Variants in PER3 observed in about 807,000 individuals in gnomAD.
The protein encoded by PER3 is period circadian regulator 3.
In PER3, 107 loss-of-function variants were observed where a neutral mutation model predicts 127.2. That is an observed-to-expected ratio of 0.84 (90% CI 0.72 to 0.99). The LOEUF is 0.99. Ranked by LOEUF, PER3 falls within the 50% of genes least tolerant of loss-of-function variation. The pLI is 0.00. For synonymous variants in PER3, 618 were observed against 585.8 expected (o/e 1.05, Z -0.79); for missense variants, 1,560 against 1,525.8 (o/e 1.02, Z -0.37).
At chr1:7,811,745 C>G (rs1360612269) in intron 13 of PER3, 1 of 152,196 alleles carries the variant, frequency 6.6e-6, no homozygotes, top group Non-Finnish European at 1.5e-5. Context: ...TGTTCACTGT[C>G]ACATTGAGTT....
At position 7,829,889 on chromosome 1, in the gene PER3, T is replaced by C. The variant is rs772071781; in HGVS notation, c.2942T>C (p.Leu981Pro). ...AGCAGTCCTGCTACTACCGGTGCAC[T>C]GTCCACGGGGTCACCTCCCAGGGAG... is the stretch of plus-strand genomic sequence containing the variant. ...SESSPATTGA[L>P]STGSPPRENP... Residue 981 changes from leucine to proline, a missense_variant, in exon 19 of 22, where the codon CTG becomes CCG. Leu to Pro is a moderately conservative substitution (Grantham distance 98, BLOSUM62 -3). This residue lies in a region of PER3 where 29 missense variants were observed against 103.6 expected (regional missense o/e 0.28). Transcript: ENST00000377532. 2 of 1,613,902 alleles carry C rather than the reference T, an allele frequency of 1.2e-6. No individual in the cohort carries two copies. The highest frequency in any genetic ancestry group is 1.7e-6 in the Non-Finnish European group (2 of 1,179,848).
At chr1:7,792,699 C>CA (rs1255540047) in intron 5 of PER3, among the ~76,000 whole-genome samples, 2 of 152,208 alleles carry the variant, frequency 1.3e-5, no homozygotes, top group African/African-American at 4.8e-5. Flanking sequence ...CAGCTGTTGT[C>CA]AACCTCTGGT....
At chr1:7,813,669 G>A (rs1184009512) in intron 13 of PER3, among the ~76,000 whole-genome samples, 2 of 152,224 alleles carry the variant, frequency 1.3e-5, no homozygotes, top group African/African-American at 4.8e-5. Context: ...TGTTGTACAT[G>A]CTGTAGAACC....
intron 19 of PER3, among the ~76,000 whole-genome samples, chr1:7,835,133 G>C (rs1347436627): frequency 3.3e-5 from 5 of 152,284 alleles, no homozygotes; most frequent in East Asian, 3.9e-4. Context: ...AATAGTCATT[G>C]CTGGGGGTAG....
At chr1:7,813,138 G>T (rs1316291469) in intron 13 of PER3, among the ~76,000 whole-genome samples, 1 of 152,202 alleles carries the variant, frequency 6.6e-6, no homozygotes, top group South Asian at 2.1e-4. Context: ...ACAGGGATAT[G>T]TAAAGCCCCT....
intron 10 of PER3, among the ~76,000 whole-genome samples, chr1:7,805,197 C>T (rs2097187673): frequency 6.6e-6 from 1 of 152,134 alleles, no homozygotes; most frequent in Admixed American, 6.5e-5. Context: ...GAACTCTAGG[C>T]CTTTTGACCT....
Position 7,835,768 on chromosome 1 carries a change from G to A in PER3, c.3221G>A (p.Ser1074Asn). The change falls in exon 20 of 22, where the codon AGC becomes AAC. Residue 1074 changes from serine (S) to asparagine (N), a missense_variant. Coordinates refer to ENST00000377532, the MANE Select transcript of PER3 (RefSeq NM_001377275.1). ...SRTGSAASGS[S>N]DSSIYLTSSV... ...TGTTGTTGATTTTTGACAGGAAGCA[G>A]CGACAGCAGTATATACCTTACTAGT... 6.2e-7 allele frequency: 1 copy of A among 1,602,040 alleles called. No individual in the cohort carries two copies. Among genetic ancestry groups the A allele is most frequent in the Non-Finnish European group, 8.5e-7 (1 of 1,173,454 alleles).
intron 13 of PER3, among the ~76,000 whole-genome samples, chr1:7,811,784 A>G (rs1213524139): frequency 1.3e-5 from 2 of 152,208 alleles, no homozygotes; most frequent in African/African-American, 4.8e-5. Flanking sequence ...GTCATGGGGG[A>G]CACACACATT....
chr1:7,826,764 GTATC>G lies in PER3; in HGVS notation c.2188+57_2188+60del, dbSNP rs1363517988. 7.9e-5 allele frequency: 84 copies of G among 1,057,624 alleles called. No individual in the cohort carries two copies. In the Admixed American group the frequency reaches 1.5e-3, roughly 19 times the overall value. 65.5% of individuals were successfully genotyped at this position (1,057,624 alleles called of 1,614,324 possible). ...TTAATCTATGTAAATGTTACAAACTGTATCTAAGGACTAGGAGATAAGGAGTGAA... is the reference window on the plus strand; with the variant it reads ...TTAATCTATGTAAATGTTACAAACTGTAAGGACTAGGAGATAAGGAGTGAA... On this transcript the variant is annotated intron_variant, in intron 17 of 21. Transcript: ENST00000377532. The surrounding 1 kb of genome is among the most constrained non-coding windows in gnomAD (Gnocchi z 4.2).
intron 8 of PER3, 81 bp downstream of exon 8, chr1:7,801,272 G>T: frequency 8.8e-6 from 7 of 791,110 alleles, no homozygotes; most frequent in African/African-American, 3.5e-5. Flanking sequence ...ATGTTTGCAT[G>T]TTTATACATT....
At chr1:7,839,173 G>T (rs979440181) in intron 21 of PER3, among the ~76,000 whole-genome samples, 1 of 152,242 alleles carries the variant, frequency 6.6e-6, no homozygotes, top group African/African-American at 2.4e-5. Context: ...TCACTCCAGT[G>T]TGTAATTTAT....
chr1:7,804,122 A>C (rs1341267750), intron 10 of PER3, among the ~76,000 whole-genome samples: 2 of 152,162 alleles, frequency 1.3e-5, no homozygotes, highest in Admixed American at 1.3e-4. Flanking sequence ...ATTTTTGCAG[A>C]GATCACATAA....
At chr1:7,820,743 A>T (rs2097272908) in intron 16 of PER3, 103 bp downstream of exon 16, 1 of 870,820 alleles carries the variant, frequency 1.1e-6, no homozygotes, top group African/African-American at 1.7e-5. Context: ...TAACTTCTAA[A>T]CTACACATAT....
chr1:7,820,703 CAA>C (rs1297018965), intron 16 of PER3, 63 bp downstream of exon 16: 31 of 1,371,732 alleles, frequency 2.3e-5, no homozygotes, highest in Non-Finnish European at 3.0e-5. Context: ...GATGAGAAAA[CAA>C]AAGTCATGAA....
intron 16 of PER3, among the ~76,000 whole-genome samples, chr1:7,822,688 A>G (rs1360039653): frequency 6.6e-6 from 1 of 152,248 alleles, no homozygotes; most frequent in Non-Finnish European, 1.5e-5. Flanking sequence ...AGCAGAGAGA[A>G]CAAACCAAAT....
At chr1:7,840,057 ACTTTT>A (rs1198892397) in intron 21 of PER3, among the ~76,000 whole-genome samples, 22 of 151,700 alleles carry the variant, frequency 1.5e-4, no homozygotes, top group Admixed American at 7.9e-4. Context: ...GGCCCTGTTG[ACTTTT>A]CTTCAGTCTT....
intron 13 of PER3, among the ~76,000 whole-genome samples, chr1:7,816,016 A>AT (rs1553314003): frequency 2.4e-4 from 35 of 145,656 alleles, no homozygotes; most frequent in Non-Finnish European, 3.6e-4. Context: ...AAAAAAAAAA[A>AT]ATTGAATTGA....
At position 7,808,993 on chromosome 1, in the gene PER3, T is replaced by G; in HGVS notation, c.1237T>G (p.Leu413Val). The change falls in exon 11 of 22, where the codon TTA (leucine) becomes GTA (valine). Residue 413 changes from leucine to valine, a missense_variant. Leu to Val is a conservative substitution (Grantham distance 32, BLOSUM62 1). This residue lies in a region of PER3 where 1,332 missense variants were observed against 1,223.6 expected (regional missense o/e 1.09). Coordinates refer to ENST00000377532, the MANE Select transcript of PER3 (RefSeq NM_001377275.1). ...ACAAGAACAAATTTACAAACTTCTC[T>G]TACAGGTAAGGTGAGATTGTTAAAA... is the stretch of plus-strand genomic sequence containing the variant. ...ELQEQIYKLL[L>V]QPVHVSVSSG... The G allele has an allele frequency of 3.1e-5, 45 of 1,455,148 alleles. No individual in the cohort carries two copies. Among genetic ancestry groups the G allele is most frequent in the Non-Finnish European group, 4.1e-5 (43 of 1,038,030 alleles). The allele number at this position is 1,455,148 out of a possible 1,614,324, so 90.1% of individuals were successfully genotyped here.
At chr1:7,836,699 A>C (rs574734647) in intron 20 of PER3, 1 of 233,346 alleles carries the variant, frequency 4.3e-6, no homozygotes, top group Non-Finnish European at 8.4e-6. Context: ...CCAAGATGGC[A>C]CACAAGTACA....
Sources: allele counts gnomAD v4.1 joint callset (sites outside exome capture counted in the v4.1 genomes callset), GRCh38; gene constraint gnomAD v4.1.1; regional missense constraint gnomAD v4.1.1; non-coding constraint Gnocchi (gnomAD v3.1); transcripts MANE v1.5; gene names NCBI Gene and HGNC (gene_info 2026-07-23, HGNC 2026-07-21).